The following UGT2B11 variants were observed in gnomAD, a reference collection of about 807,000 sequenced individuals.
The protein encoded by UGT2B11 is UDP-glucuronosyltransferase 2B11.
A neutral mutation model predicts 51.7 loss-of-function variants in UGT2B11; 49 were observed. That is an observed-to-expected ratio of 0.95 (90% CI 0.75 to 1.20). The LOEUF (loss-of-function observed/expected upper bound fraction) is 1.20, where lower values mean the gene tolerates loss of function less well. Ranked by LOEUF, UGT2B11 falls within the 50% of genes most tolerant of loss-of-function variation. UGT2B11 has a pLI of 0.00. For missense variants in UGT2B11, 810 were observed against 622.1 expected, an observed-to-expected ratio of 1.30 and a Z score of -3.21; for synonymous variants, 273 against 209.0, an observed-to-expected ratio of 1.31 and a Z score of -2.64.
chr4:69,213,436 A>G (rs1307705429), intron 1 of UGT2B11, among the ~76,000 whole-genome samples: 3 of 151,766 alleles, frequency 2.0e-5, no homozygotes, highest in Non-Finnish European at 1.5e-5. Flanking sequence ...ATGATTTCCA[A>G]TTCTTTAGTT....
At chr4:69,222,195 T>C in the UGT2B11 span, among the ~76,000 whole-genome samples, 1 of 152,276 alleles carries the variant, frequency 6.6e-6, no homozygotes, top group Non-Finnish European at 1.5e-5. Context: ...TCTAAATTTG[T>C]TCTGGGCCTA....
upstream of UGT2B11, among the ~76,000 whole-genome samples, chr4:69,219,493 T>G (rs62300462): frequency 0.22 from 33,331 of 151,842 alleles, 4,242 homozygotes; most frequent in African/African-American, 0.35. Flanking sequence ...TTATAGTTTA[T>G]GATACTGTAC....
chr4:69,200,625 G>A lies in UGT2B11; in HGVS notation c.1405C>T (p.Pro469Ser), dbSNP rs200630131. The change falls in exon 6 of 6, where the codon CCC becomes TCC. Residue 469 changes from proline (P) to serine (S), a missense_variant. Coordinates refer to ENST00000446444, the MANE Select transcript of UGT2B11 (RefSeq NM_001073.3). ...RAVFWIEFVM[P>S]HKGAKHLRVA... The stretch of plus-strand genomic sequence containing the variant: ...CGAAGGTGTTTGGCTCCTTTGTGGG[G>A]CATGACAAATTCAATCCAGAAGACT... 2 of 1,612,370 alleles carry A rather than the reference G, an allele frequency of 1.2e-6. No homozygotes were observed. Among genetic ancestry groups the A allele is most frequent in the South Asian group, 1.1e-5 (1 of 91,032 alleles).
Position 69,208,424 on chromosome 4 carries a change from C to G in UGT2B11, c.929G>C (p.Gly310Ala), listed in dbSNP as rs1721939926. 4 of 1,610,060 alleles carry G rather than the reference C, an allele frequency of 2.5e-6. No individual in the cohort carries two copies. The highest frequency in any genetic ancestry group is 3.4e-6 in the Non-Finnish European group (4 of 1,178,118). The part of the protein sequence containing the change: ...GENGVVVFSL[G>A]SVISNMTAER... ...TGCTGTCATGTTACTTATCACTGAC[C>G]CCAGAGAAAACACCACAACACCATT... Residue 310 changes from glycine (G) to alanine (A), a missense_variant, in exon 3 of 6, where the codon GGG (glycine) becomes GCG (alanine). Coordinates refer to ENST00000446444, the MANE Select transcript of UGT2B11 (RefSeq NM_001073.3).
chr4:69,200,334 T>TTTTTTTTAAAA lies in UGT2B11; in HGVS notation c.*105_*106insTTTTAAAAAAA. Reference sequence around the variant, plus strand: ...AAAATTTTTTTTTTTTTTTTTTTTTTGTCACAGGAAGAAAGAAATCTTGCA... The same window carrying TTTTTTTTAAAA: ...AAAATTTTTTTTTTTTTTTTTTTTTTTTTTTTTAAAAGTCACAGGAAGAAAGAAATCTTGCA... On this transcript the variant is annotated 3_prime_UTR_variant, in exon 6 of 6. Transcript: ENST00000446444. 2 of 1,086,978 alleles carry TTTTTTTTAAAA rather than the reference T, an allele frequency of 1.8e-6. No homozygotes were observed. The highest frequency in any genetic ancestry group is 2.3e-6 in the Non-Finnish European group (2 of 854,144). The allele number at this position is 1,086,978 out of a possible 1,614,324, so 67.3% of individuals were successfully genotyped here.
rs187144243 is a variant in UGT2B11 at position 69,205,219 on chromosome 4, C to G, written c.1090+261G>C. Among the ~76,000 whole-genome samples the G allele has an allele frequency of 1.8e-3, 268 of 151,744 alleles. 3 individuals carry two copies. Among genetic ancestry groups the G allele is most frequent in the African/African-American group, 6.3e-3 (263 of 41,456 alleles). The stretch of plus-strand genomic sequence containing the variant: ...ATTGTAGAAACAGGAGACAGAGAGA[C>G]AGCCCAGGAAGATATTGAAAAATTC... On this transcript the variant is annotated intron_variant, in intron 4 of 5. Transcript: ENST00000446444.
chr4:69,216,746 G>C (rs1301863923), upstream of UGT2B11: 1 of 151,916 alleles, frequency 6.6e-6, no homozygotes, highest in Non-Finnish European at 1.5e-5. Context: ...GAAAGCAAGT[G>C]AATAAAGAAA....
Position 69,214,234 on chromosome 4 carries a change from T to C in UGT2B11, c.489A>G (p.Leu163=). The part of the protein sequence containing the change: ...VFPCGELLAA[L]LNIRFVYSLR... Reference sequence around the variant, plus strand: ...GACTGTACACAAACCGTATGTTAAGTAGCGCAGCCAGCAGCTCACCACAGG... The same window carrying C: ...GACTGTACACAAACCGTATGTTAAGCAGCGCAGCCAGCAGCTCACCACAGG... The change falls in exon 1 of 6, where the codon CTA becomes CTG. Residue 163 remains leucine (L), a synonymous_variant. Transcript: ENST00000446444. 1.2e-6 allele frequency: 2 copies of C among 1,613,298 alleles called. No individual in the cohort carries two copies. Among genetic ancestry groups the C allele is most frequent in the Middle Eastern group, 1.7e-4 (1 of 6,058 alleles).
intron 1 of UGT2B11, among the ~76,000 whole-genome samples, chr4:69,213,374 A>G (rs1247500252): frequency 2.0e-5 from 3 of 151,936 alleles, no homozygotes; most frequent in East Asian, 3.9e-4. Context: ...TCAATAAACT[A>G]TATAGATATA....
At chr4:69,220,583 T>G in the UGT2B11 span, among the ~76,000 whole-genome samples, 1 of 51,746 alleles carries the variant, frequency 1.9e-5, no homozygotes, top group African/African-American at 6.0e-5. Flanking sequence ...AAAACAAATT[T>G]GACAAGGAGG....
chr4:69,224,590 T>C, the UGT2B11 span, among the ~76,000 whole-genome samples: 2 of 152,058 alleles, frequency 1.3e-5, no homozygotes, highest in Admixed American at 6.6e-5. Flanking sequence ...CAAAGAGGTC[T>C]GATCATACTC....
In UGT2B11 at chr4:69,200,673, G is replaced by C. The variant is rs1577957954; in HGVS notation, c.1357C>G (p.Pro453Ala). The change falls in exon 6 of 6, where the codon CCA becomes GCA. Residue 453 changes from proline to alanine, a missense_variant. Coordinates refer to ENST00000446444, the MANE Select transcript of UGT2B11 (RefSeq NM_001073.3). Reference protein sequence around the residue: ...MKLSRIQHDQPVKPLDRAVFW... With the variant: ...MKLSRIQHDQAVKPLDRAVFW... The stretch of plus-strand genomic sequence containing the variant: ...ACTGCTCGATCCAGGGGCTTTACTG[G>C]TTGATCATGTTGAATTCTTGATAAT... The C allele has an allele frequency of 6.2e-7, 1 of 1,611,866 alleles. No homozygotes were observed.
chr4:69,222,185 T>C, the UGT2B11 span, among the ~76,000 whole-genome samples: 2 of 152,268 alleles, frequency 1.3e-5, no homozygotes, highest in African/African-American at 2.4e-5. Context: ...TAATAATATC[T>C]CTAAATTTGT....
the UGT2B11 span, among the ~76,000 whole-genome samples, chr4:69,223,234 A>T: frequency 1.3e-5 from 2 of 152,090 alleles, no homozygotes; most frequent in African/African-American, 4.8e-5. Context: ...TTCAGGGTTG[A>T]ATTTGTCTCA....
rs369662379 is a variant in UGT2B11 at position 69,200,681 on chromosome 4, T to C, written c.1349A>G (p.His450Arg). 13 of 1,611,778 alleles carry C rather than the reference T, an allele frequency of 8.1e-6. No individual in the cohort carries two copies. In the Admixed American group the frequency reaches 1.3e-4, roughly 17 times the overall value. ...ENIMKLSRIQ[H>R]DQPVKPLDRA... Reference sequence around the variant, plus strand: ...ATCCAGGGGCTTTACTGGTTGATCATGTTGAATTCTTGATAATTTCATAAT... The same window carrying C: ...ATCCAGGGGCTTTACTGGTTGATCACGTTGAATTCTTGATAATTTCATAAT... Residue 450 changes from histidine to arginine, a missense_variant, in exon 6 of 6, where the codon CAT becomes CGT. By Grantham distance (29) the His-to-Arg change is conservative (BLOSUM62 0). Coordinates refer to ENST00000446444, the MANE Select transcript of UGT2B11 (RefSeq NM_001073.3).
At chr4:69,203,139 T>C (rs1238210612) in intron 5 of UGT2B11, among the ~76,000 whole-genome samples, 1 of 151,712 alleles carries the variant, frequency 6.6e-6, no homozygotes, top group Non-Finnish European at 1.5e-5. Context: ...TGTCCCATAA[T>C]ATATAAATAG....
chr4:69,221,469 C>G, the UGT2B11 span, among the ~76,000 whole-genome samples: 4 of 152,158 alleles, frequency 2.6e-5, no homozygotes, highest in Non-Finnish European at 5.9e-5. Context: ...TTCTAAGGCC[C>G]AGACCTCGAA....
upstream of UGT2B11, among the ~76,000 whole-genome samples, chr4:69,219,172 C>T (rs1401544660): frequency 3.3e-5 from 5 of 152,120 alleles, no homozygotes; most frequent in South Asian, 8.3e-4. Flanking sequence ...ACCTGGTGTT[C>T]CCCTGGTGGC....
chr4:69,213,268 T>G (rs1722143543), intron 1 of UGT2B11, among the ~76,000 whole-genome samples: 1 of 151,770 alleles, frequency 6.6e-6, no homozygotes, highest in Non-Finnish European at 1.5e-5. Flanking sequence ...GTAAATATAT[T>G]TGTAAATTAT....
Sources: gnomAD v4.1 joint callset for allele counts (sites outside exome capture counted in the v4.1 genomes callset) on GRCh38, gnomAD v4.1.1 for gene constraint, MANE v1.5 for transcripts, NCBI Gene and HGNC (gene_info 2026-07-23, HGNC 2026-07-21) for gene names.